The following DLGAP4 variants were observed in gnomAD, a reference collection of about 807,000 sequenced individuals.
The protein encoded by DLGAP4 is disks large-associated protein 4.
Under a neutral mutation model 86.9 loss-of-function variants are expected in DLGAP4, and 18 were observed. The observed-to-expected ratio is 0.21, with a 90% confidence interval of 0.14 to 0.31. The LOEUF (loss-of-function observed/expected upper bound fraction) is 0.31. Ranked by LOEUF, DLGAP4 falls within the 10% of genes least tolerant of loss-of-function variation. DLGAP4 has a pLI of 1.00. For missense variants in DLGAP4, 1,085 were observed against 1,362.6 expected (o/e 0.80, Z 3.21); for synonymous variants, 548 against 574.3 (o/e 0.95, Z 0.65).
At chr20:36,339,366 G>C (rs575242733) in intron 1 of DLGAP4, among the ~76,000 whole-genome samples, 1 of 151,956 alleles carries the variant, frequency 6.6e-6, no homozygotes, top group East Asian at 1.9e-4. Flanking sequence ...GGGATTACAG[G>C]CGTGAGCCAC....
intron 1 of DLGAP4, among the ~76,000 whole-genome samples, chr20:36,352,426 G>A (rs2030187995): frequency 6.6e-6 from 1 of 151,270 alleles, no homozygotes; most frequent in African/African-American, 2.4e-5. Flanking sequence ...TTGGGGGAGA[G>A]GTGACCGTGG....
chr20:36,497,074 C>T lies in DLGAP4; in HGVS notation c.2010+8C>T. 6.3e-7 allele frequency: 1 copy of T among 1,583,052 alleles called. No individual in the cohort carries two copies. Among genetic ancestry groups the T allele is most frequent in the Non-Finnish European group, 8.6e-7 (1 of 1,162,422 alleles). ...TCATCGATAGGAATACAAGTAGGGG[C>T]TCCTTTTGCACTCTGTGTCCTCAGC... On this transcript the variant is annotated splice_region_variant and intron_variant, in intron 8 of 12. Coordinates refer to ENST00000339266, the MANE Select transcript of DLGAP4 (RefSeq NM_001365621.2).
At chr20:36,497,736 C>G (rs2035949611) in intron 8 of DLGAP4, 1 of 645,024 alleles carries the variant, frequency 1.6e-6, no homozygotes, top group Non-Finnish European at 1.9e-6. Context: ...CCTCCATAGT[C>G]ATGGCACACA....
chr20:36,438,981 G>A lies in DLGAP4; in HGVS notation c.1242-773G>A, dbSNP rs76219194. Among the ~76,000 whole-genome samples, 802 of 152,216 alleles carry A rather than the reference G, an allele frequency of 5.3e-3. 4 individuals are homozygous for A. Among genetic ancestry groups the A allele is most frequent in the Non-Finnish European group, 9.4e-3 (639 of 68,012 alleles). The stretch of plus-strand genomic sequence containing the variant: ...GGATCTCTAAGACCCCTTCTAGTAC[G>A]GAGATCCTACAATCCGAGTGACCAG... On this transcript the variant is annotated intron_variant, in intron 4 of 12. Coordinates refer to ENST00000339266, the MANE Select transcript of DLGAP4 (RefSeq NM_001365621.2).
chr20:36,310,630 T>C (rs2065046042), intron 1 of DLGAP4, among the ~76,000 whole-genome samples: 1 of 152,124 alleles, frequency 6.6e-6, no homozygotes, highest in Non-Finnish European at 1.5e-5. Context: ...GTTTAGTTTA[T>C]TAGTAAGGTC....
chr20:36,317,308 C>CTTTCTTT (rs1600393315), intron 1 of DLGAP4, among the ~76,000 whole-genome samples: 1,709 of 23,930 alleles, frequency 0.071, 55 homozygotes, highest in Admixed American at 0.095. Context: ...TTTCTTTCTT[C>CTTTCTTT]CTTCCTTCCT....
intron 1 of DLGAP4, among the ~76,000 whole-genome samples, chr20:36,319,950 C>T (rs1389234367): frequency 6.6e-6 from 1 of 151,344 alleles, no homozygotes; most frequent in East Asian, 1.9e-4. Context: ...AGGCCCCCTC[C>T]CCCGGGCCTC....
intron 1 of DLGAP4, among the ~76,000 whole-genome samples, chr20:36,311,762 G>T (rs2065055402): frequency 6.6e-6 from 1 of 152,228 alleles, no homozygotes; most frequent in Non-Finnish European, 1.5e-5. Flanking sequence ...AGCCGGTGAA[G>T]TGGAGGTGCC....
rs543047908 is a variant in DLGAP4 at position 36,466,208 on chromosome 20, G to T, written c.1648+19271G>T. Reference sequence around the variant, plus strand: ...AACCTGGGAAAAGCTGAACTGAGAGGACCCTGGTTTGCATGACAGCCTAGC... The same window carrying T: ...AACCTGGGAAAAGCTGAACTGAGAGTACCCTGGTTTGCATGACAGCCTAGC... On this transcript the variant is annotated intron_variant, in intron 7 of 12. Coordinates refer to ENST00000339266, the MANE Select transcript of DLGAP4 (RefSeq NM_001365621.2). Among the ~76,000 whole-genome samples, 4 of 152,306 alleles carry T rather than the reference G, an allele frequency of 2.6e-5. No homozygotes were observed. In the South Asian group the frequency reaches 8.3e-4, roughly 32 times the overall value.
At chr20:36,441,367 G>GCTC (rs1305521108) in intron 5 of DLGAP4, among the ~76,000 whole-genome samples, 1 of 152,124 alleles carries the variant, frequency 6.6e-6, no homozygotes, top group East Asian at 1.9e-4. Context: ...TGCACAGCTG[G>GCTC]CTCCTCCTGG....
rs1472507608 is a variant in DLGAP4, at chr20:36,525,062, C to CA, written c.2604+727dup. ...TGAAACCCCTTCTGTACTAAAAAGA[C>CA]AAAAAATTAGCCAGGCGTAGTGGCG... On this transcript the variant is annotated intron_variant, in intron 11 of 12. Transcript: ENST00000339266. Among the ~76,000 whole-genome samples the CA allele has an allele frequency of 8.1e-5, 12 of 148,418 alleles. No individual in the cohort carries two copies. In the East Asian group the frequency reaches 2.4e-3, roughly 30 times the overall value.
At chr20:36,342,596 A>G (rs1054945793) in intron 1 of DLGAP4, among the ~76,000 whole-genome samples, 23 of 152,216 alleles carry the variant, frequency 1.5e-4, no homozygotes, top group African/African-American at 5.3e-4. Context: ...GCAGGGAGCA[A>G]CTGTCTGAGC....
chr20:36,348,148 G>A (rs1364588402), intron 1 of DLGAP4, among the ~76,000 whole-genome samples: 1 of 152,200 alleles, frequency 6.6e-6, no homozygotes, highest in African/African-American at 2.4e-5. Context: ...TATCTGCACA[G>A]GAGGGAGGGA....
intron 7 of DLGAP4, among the ~76,000 whole-genome samples, chr20:36,486,401 CATG>C (rs2035414173): frequency 6.6e-6 from 1 of 152,108 alleles, no homozygotes; most frequent in African/African-American, 2.4e-5. Flanking sequence ...GACCTAAAAT[CATG>C]ATGAGAAGGA....
At chr20:36,307,062 C>A (rs1030624894) in intron 1 of DLGAP4, among the ~76,000 whole-genome samples, 4 of 152,144 alleles carry the variant, frequency 2.6e-5, no homozygotes, top group East Asian at 1.9e-4. Flanking sequence ...CGGCTCCCCC[C>A]TTCCCGAGCT....
chr20:36,333,042 T>C (rs2065286095), intron 1 of DLGAP4, among the ~76,000 whole-genome samples: 2 of 152,140 alleles, frequency 1.3e-5, no homozygotes, highest in African/African-American at 4.8e-5. Flanking sequence ...TCTTTCTCTC[T>C]CTTTTTTTAC....
chr20:36,429,574 T>C (rs1032516247), intron 2 of DLGAP4, among the ~76,000 whole-genome samples: 2 of 151,728 alleles, frequency 1.3e-5, no homozygotes, highest in South Asian at 4.2e-4. Flanking sequence ...ACCCAGCTAA[T>C]TTTTTGTTTT....
At chr20:36,467,013 CTCTCCTCTCTCT>C (rs2034408720) in intron 7 of DLGAP4, among the ~76,000 whole-genome samples, 18 of 126,060 alleles carry the variant, frequency 1.4e-4, no homozygotes, top group Admixed American at 3.2e-4. Context: ...CTCTCTCTCT[CTCTCCTCTCTCT>C]CTCTCTCTCT....
intron 10 of DLGAP4, chr20:36,508,943 T>A (rs1297287453): frequency 1.3e-5 from 2 of 152,276 alleles, no homozygotes; most frequent in African/African-American, 4.8e-5. Flanking sequence ...GTATACTTAC[T>A]GATACTTGAT....
Sources: allele counts gnomAD v4.1 joint callset (sites outside exome capture counted in the v4.1 genomes callset), GRCh38; gene constraint gnomAD v4.1.1; transcripts MANE v1.5; gene names NCBI Gene and HGNC (gene_info 2026-07-23, HGNC 2026-07-21).